CERT1: variants seen among roughly 807,000 people sequenced by gnomAD.
The protein encoded by CERT1 is ceramide transporter 1, also known as ceramide transfer protein.
CERT1 carries 31 observed loss-of-function variants against 87.9 expected under a neutral mutation model. That is an observed-to-expected ratio of 0.35 (90% CI 0.27 to 0.48). CERT1 has a LOEUF of 0.48. Ranked by LOEUF, CERT1 falls within the 20% of genes least tolerant of loss-of-function variation. The pLI, the probability that CERT1 is intolerant of heterozygous loss-of-function variation, is 0.99. For synonymous variants in CERT1, 289 were observed against 250.9 expected (o/e 1.15, Z -1.44); for missense variants, 487 against 758.0 (o/e 0.64, Z 4.20).
At chr5:75,429,579 G>A (rs78320668) in intron 3 of CERT1, among the ~76,000 whole-genome samples, 11,909 of 152,192 alleles carry the variant, frequency 0.078, 556 homozygotes, top group South Asian at 0.17. Context: ...AGCTACTTGA[G>A]AGACTGAGGC....
At chr5:75,388,566 C>T (rs1761892368) in intron 12 of CERT1, among the ~76,000 whole-genome samples, 1 of 135,568 alleles carries the variant, frequency 7.4e-6, no homozygotes, top group Non-Finnish European at 1.6e-5. Context: ...TCACTCAGTA[C>T]ATTATCAGAT....
intron 11 of CERT1, among the ~76,000 whole-genome samples, chr5:75,393,095 T>C (rs1762096564): frequency 6.9e-6 from 1 of 144,950 alleles, no homozygotes; most frequent in Non-Finnish European, 1.5e-5. Flanking sequence ...AGGCTCAAAA[T>C]TTGACATTCT....
chr5:75,421,107 C>G (rs1044300209), intron 5 of CERT1, among the ~76,000 whole-genome samples: 1 of 152,198 alleles, frequency 6.6e-6, no homozygotes, highest in East Asian at 1.9e-4. Flanking sequence ...CTGCACCCAG[C>G]CTACATGGCT....
At position 75,474,838 on chromosome 5, in the gene CERT1, AGTCT is replaced by A. The variant is rs1290256393; in HGVS notation, c.232-15661_232-15658del. On this transcript the variant is annotated intron_variant, in intron 2 of 16. Coordinates refer to ENST00000643780, the MANE Select transcript of CERT1 (RefSeq NM_001379029.1). The stretch of plus-strand genomic sequence containing the variant: ...TAGAGGGAGTCTAATAATCTCATGT[AGTCT>A]ATTAGACTATATGAGTCTAATAATC... Among the ~76,000 whole-genome samples the A allele has an allele frequency of 2.7e-3, 159 of 59,042 alleles. 1 individual carries two copies. The East Asian group carries it at 0.066, about 24-fold the overall frequency. 38.7% of individuals were successfully genotyped at this position (59,042 alleles called of 152,430 possible).
At chr5:75,424,310 G>C (rs886545339) in intron 5 of CERT1, among the ~76,000 whole-genome samples, 1 of 152,094 alleles carries the variant, frequency 6.6e-6, no homozygotes. Flanking sequence ...GGCCGAGCGC[G>C]GTGGCTCAGG....
At chr5:75,399,485 A>C (rs1762382253) in intron 10 of CERT1, 98 bp from the exon 11 acceptor site, 1 of 850,046 alleles carries the variant, frequency 1.2e-6, no homozygotes, top group Non-Finnish European at 2.0e-6. Context: ...GGGAAGAGAA[A>C]ACAAAGCACT....
At chr5:75,466,490 A>G (rs530924904) in intron 2 of CERT1, among the ~76,000 whole-genome samples, 59 of 152,324 alleles carry the variant, frequency 3.9e-4, no homozygotes, top group Non-Finnish European at 7.6e-4. Context: ...TCCCCCTTCT[A>G]GATGTCTGAG....
At chr5:75,400,575 G>C (rs1762429139) in intron 9 of CERT1, 1 of 313,858 alleles carries the variant, frequency 3.2e-6, no homozygotes, top group African/African-American at 2.1e-5. Context: ...TACCTGCATA[G>C]CATTATTTAT....
At chr5:75,429,842 T>TA (rs1763794187) in intron 3 of CERT1, among the ~76,000 whole-genome samples, 2 of 61,498 alleles carry the variant, frequency 3.3e-5, no homozygotes, top group East Asian at 4.7e-4. Flanking sequence ...TAAGAAAAAA[T>TA]GAAAAAAAAA....
chr5:75,426,549 T>C (rs1208559550), intron 3 of CERT1, 71 bp from the exon 4 acceptor site: 4 of 1,091,468 alleles, frequency 3.7e-6, no homozygotes, highest in Admixed American at 2.0e-5. Flanking sequence ...AGGTTTCCTA[T>C]GAATTAACAA....
chr5:75,398,100 G>A (rs1488099747), intron 11 of CERT1, among the ~76,000 whole-genome samples: 1 of 152,132 alleles, frequency 6.6e-6, no homozygotes, highest in Non-Finnish European at 1.5e-5. Flanking sequence ...TTTGGTTATG[G>A]ATGATTTCTG....
At chr5:75,372,608 C>T (rs559742503) in intron 17 of CERT1, 42 of 152,144 alleles carry the variant, frequency 2.8e-4, no homozygotes, top group African/African-American at 1.0e-3. Flanking sequence ...GCATGAAATC[C>T]GCGTGCATGT....
intron 5 of CERT1, among the ~76,000 whole-genome samples, chr5:75,423,606 C>T (rs548270683): frequency 6.6e-5 from 10 of 152,140 alleles, no homozygotes; most frequent in South Asian, 2.1e-4. Context: ...CCAGATATGA[C>T]GGTGTATGCC....
intron 7 of CERT1, among the ~76,000 whole-genome samples, chr5:75,413,386 T>A (rs1763009255): frequency 6.6e-6 from 1 of 152,200 alleles, no homozygotes. Flanking sequence ...AATGGGTTCA[T>A]TAGACCCAAA....
At position 75,416,859 on chromosome 5, in the gene CERT1, A is replaced by G; in HGVS notation, c.837+17T>C. ...TTAAATGTGATTATTTTTAAAAGGA[A>G]AAAAACCTAGTCTTACCTTATCCAG... On this transcript the variant is annotated intron_variant, in intron 7 of 16. Coordinates refer to ENST00000643780, the MANE Select transcript of CERT1 (RefSeq NM_001379029.1). 6.4e-7 allele frequency: 1 copy of G among 1,569,736 alleles called. No individual in the cohort carries two copies. The highest frequency in any genetic ancestry group is 2.1e-5 in the Admixed American group (1 of 48,222).
chr5:75,368,993 A>C (rs1245775699), intron 17 of CERT1: 1 of 152,068 alleles, frequency 6.6e-6, no homozygotes, highest in African/African-American at 2.4e-5. Flanking sequence ...GCTCACTGCA[A>C]CTTCCACCTC....
At chr5:75,462,457 G>A (rs962286345) in intron 2 of CERT1, among the ~76,000 whole-genome samples, 2 of 152,216 alleles carry the variant, frequency 1.3e-5, no homozygotes, top group African/African-American at 4.8e-5. Context: ...CTGCTGATCT[G>A]ACAGGAGGCA....
At chr5:75,433,885 T>C (rs1401531909) in intron 3 of CERT1, among the ~76,000 whole-genome samples, 1 of 152,178 alleles carries the variant, frequency 6.6e-6, no homozygotes, top group Non-Finnish European at 1.5e-5. Flanking sequence ...CTAGGAGCCT[T>C]TGGGCAGAGA....
chr5:75,490,509 T>A (rs956133732), intron 2 of CERT1, among the ~76,000 whole-genome samples: 19 of 129,008 alleles, frequency 1.5e-4, no homozygotes, highest in East Asian at 4.4e-4. Context: ...ATTTATTTAT[T>A]TTTTTTTGAG....
Sources: gnomAD v4.1 joint callset for allele counts (sites outside exome capture counted in the v4.1 genomes callset) on GRCh38, gnomAD v4.1.1 for gene constraint, MANE v1.5 for transcripts, NCBI Gene and HGNC (gene_info 2026-07-23, HGNC 2026-07-21) for gene names.